Variants in UBE2V1 observed in about 807,000 individuals in gnomAD.
UBE2V1 encodes ubiquitin-conjugating enzyme E2 variant 1.
In UBE2V1, 15 loss-of-function variants were observed where a neutral mutation model predicts 19.6. The ratio of observed to expected loss-of-function variants is 0.77; its 90% CI spans 0.51 to 1.18. UBE2V1 has a LOEUF of 1.18. Ranked by LOEUF, UBE2V1 falls within the 50% of genes most tolerant of loss-of-function variation. The probability of loss-of-function intolerance (pLI) is 0.00; values close to 1 mark genes in which losing one functional copy is unlikely to be tolerated. For synonymous variants in UBE2V1, 60 were observed against 60.7 expected (o/e 0.99, Z 0.05); for missense variants, 125 against 184.8 (o/e 0.68, Z 1.88).
chr20:50,087,459 T>C (rs2078988049), intron 2 of UBE2V1, among the ~76,000 whole-genome samples: 1 of 152,018 alleles, frequency 6.6e-6, no homozygotes, highest in African/African-American at 2.4e-5. Context: ...GTTTCTGGTT[T>C]TTTTATTTTG....
rs146163387 is a variant in UBE2V1, at chr20:50,108,481, G to A, written c.22+4626C>T. Among the ~76,000 whole-genome samples the A allele has an allele frequency of 5.5e-4, 83 of 152,216 alleles. No individual in the cohort carries two copies. The East Asian group carries it at 8.5e-3, about 16-fold the overall frequency. On this transcript the variant is annotated intron_variant, in intron 1 of 3. Coordinates refer to ENST00000371674, the MANE Select transcript of UBE2V1 (RefSeq NM_001032288.3). The stretch of plus-strand genomic sequence containing the variant: ...ATGGGGGCTGGAAGAACGATCATCC[G>A]GCCAAGAGCACGTGTCCTGAAGCAA...
intron 2 of UBE2V1, among the ~76,000 whole-genome samples, chr20:50,092,973 C>T (rs2079331215): frequency 6.6e-6 from 1 of 152,218 alleles, no homozygotes; most frequent in South Asian, 2.1e-4. Context: ...ATGAGCTCTT[C>T]CTCTGCACCC....
At chr20:50,111,429 C>A in intron 1 of UBE2V1, 1 of 1,000,298 alleles carries the variant, frequency 1.0e-6, no homozygotes, top group Non-Finnish European at 1.2e-6. Flanking sequence ...TGGGCCCCTT[C>A]GTTTATTACG....
intron 1 of UBE2V1, among the ~76,000 whole-genome samples, chr20:50,103,147 G>C (rs910455958): frequency 1.3e-5 from 2 of 152,160 alleles, no homozygotes; most frequent in Admixed American, 1.3e-4. Flanking sequence ...AACTTCATCT[G>C]TTTTGTTCAC....
chr20:50,093,510 A>G (rs1004277840), intron 2 of UBE2V1, among the ~76,000 whole-genome samples: 2 of 152,230 alleles, frequency 1.3e-5, no homozygotes, highest in Non-Finnish European at 2.9e-5. Flanking sequence ...TAAAAACTAC[A>G]AGGGTGAAAA....
chr20:50,106,826 ACT>A (rs1385576564), intron 1 of UBE2V1, among the ~76,000 whole-genome samples: 1 of 150,914 alleles, frequency 6.6e-6, no homozygotes, highest in East Asian at 1.9e-4. Flanking sequence ...CAAGAGTGAA[ACT>A]CTGTTTCAAA....
intron 1 of UBE2V1, among the ~76,000 whole-genome samples, chr20:50,108,183 C>T (rs1015728443): frequency 7.2e-5 from 11 of 152,194 alleles, no homozygotes; most frequent in African/African-American, 2.7e-4. Flanking sequence ...AAGGGCAAGA[C>T]TGAAAGCAAG....
chr20:50,100,354 G>A (rs1219345866), intron 1 of UBE2V1, among the ~76,000 whole-genome samples: 1 of 151,324 alleles, frequency 6.6e-6, no homozygotes, highest in Non-Finnish European at 1.5e-5. Flanking sequence ...TTGGGAGGCC[G>A]AGGTGGGTGG....
rs1555873904 is a variant in UBE2V1, at chr20:50,082,864, G to GCTA, written c.345_347dup (p.Ser116dup). 1 of 1,612,442 alleles carries GCTA rather than the reference G, an allele frequency of 6.2e-7. No homozygotes were observed. The highest frequency in any genetic ancestry group is 1.3e-5 in the African/African-American group (1 of 74,900). On this transcript the variant is annotated inframe_insertion, in exon 4 of 4. Coordinates refer to ENST00000371674, the MANE Select transcript of UBE2V1 (RefSeq NM_001032288.3). ...GAAGCTCTTGCAGGACAACTTTGAT[G>GCTA]CTATATGAATTCTGCCATTTTGCTA... is the stretch of plus-strand genomic sequence containing the variant.
rs2078687006 is a variant in UBE2V1 at position 50,082,555 on chromosome 20, G to C, written c.*213C>G. The C allele has an allele frequency of 1.2e-6, 1 of 855,214 alleles. No individual in the cohort carries two copies. Among genetic ancestry groups the C allele is most frequent in the Admixed American group, 3.3e-5 (1 of 30,208 alleles). 53.0% of individuals were successfully genotyped at this position (855,214 alleles called of 1,614,324 possible). ...CGTGGACAGTGGTTACACTTGACAG[G>C]ATGATTTGTTATAGCACAACTTATA... is the stretch of plus-strand genomic sequence containing the variant. On this transcript the variant is annotated 3_prime_UTR_variant, in exon 4 of 4. Transcript: ENST00000371674.
At chr20:50,105,802 T>C (rs570488133) in intron 1 of UBE2V1, among the ~76,000 whole-genome samples, 1 of 152,258 alleles carries the variant, frequency 6.6e-6, no homozygotes, top group African/African-American at 2.4e-5. Context: ...TGGTGGCACA[T>C]GCCTGCAATC....
At chr20:50,097,382 A>G (rs771566676) in intron 1 of UBE2V1, among the ~76,000 whole-genome samples, 5 of 152,244 alleles carry the variant, frequency 3.3e-5, no homozygotes, top group Non-Finnish European at 7.3e-5. Flanking sequence ...TTTAACTTAC[A>G]AAAAAGCTAA....
chr20:50,083,157 T>A (rs372743335), intron 3 of UBE2V1, among the ~76,000 whole-genome samples: 2 of 152,194 alleles, frequency 1.3e-5, no homozygotes, highest in Admixed American at 6.5e-5. Flanking sequence ...GTACTGACAC[T>A]TGGGTGAGAC....
chr20:50,100,128 T>A (rs576291289), intron 1 of UBE2V1, among the ~76,000 whole-genome samples: 2 of 150,978 alleles, frequency 1.3e-5, no homozygotes, highest in South Asian at 4.2e-4. Flanking sequence ...AAATAATAAA[T>A]AAATTAGCTG....
chr20:50,087,325 G>A (rs2078977221), intron 2 of UBE2V1, among the ~76,000 whole-genome samples: 1 of 151,028 alleles, frequency 6.6e-6, no homozygotes, highest in African/African-American at 2.4e-5. Flanking sequence ...AAACCTGGGA[G>A]GTGGAAGTTG....
chr20:50,111,619 C>G, intron 1 of UBE2V1: 3 of 997,146 alleles, frequency 3.0e-6, no homozygotes, highest in Non-Finnish European at 3.6e-6. Flanking sequence ...CAAGAAGACC[C>G]CACTGTTTTA....
chr20:50,104,637 G>A (rs1173422682), intron 1 of UBE2V1, among the ~76,000 whole-genome samples: 13 of 112,654 alleles, frequency 1.2e-4, no homozygotes, highest in East Asian at 2.6e-4. Flanking sequence ...CAGCCAGGGC[G>A]ACAGTGAGAC....
intron 1 of UBE2V1, among the ~76,000 whole-genome samples, chr20:50,106,108 C>T (rs71353204): frequency 0.011 from 1,717 of 150,916 alleles, 16 homozygotes; most frequent in Non-Finnish European, 0.017. Context: ...TATGAAAATG[C>T]TAAAAAAAAA....
intron 2 of UBE2V1, among the ~76,000 whole-genome samples, chr20:50,086,470 C>A (rs998334508): frequency 4.0e-5 from 6 of 151,372 alleles, no homozygotes; most frequent in African/African-American, 1.2e-4. Flanking sequence ...AAAAAAAAAA[C>A]CCAGTAAACA....
Sources: gnomAD v4.1 joint callset for allele counts (sites outside exome capture counted in the v4.1 genomes callset) on GRCh38, gnomAD v4.1.1 for gene constraint, MANE v1.5 for transcripts, NCBI Gene and HGNC (gene_info 2026-07-23, HGNC 2026-07-21) for gene names.